Variants in TRIO observed in about 807,000 individuals in gnomAD.
The protein encoded by TRIO is triple functional domain protein.
Under a neutral mutation model 351.9 loss-of-function variants are expected in TRIO, and 58 were observed. The ratio of observed to expected loss-of-function variants is 0.16; its 90% CI spans 0.13 to 0.21. The LOEUF (loss-of-function observed/expected upper bound fraction) is 0.21, where lower values mean the gene tolerates loss of function less well. Among genes scored for constraint, TRIO ranks in the 10% least tolerant of loss-of-function variants. The pLI is 1.00. For synonymous variants in TRIO, 1,758 were observed against 1,595.7 expected, an observed-to-expected ratio of 1.10 and a Z score of -2.42; for missense variants, 3,201 against 4,027.8, an observed-to-expected ratio of 0.79 and a Z score of 5.56.
intron 1 of TRIO, among the ~76,000 whole-genome samples, chr5:14,234,477 C>T (rs1184328401): frequency 6.6e-6 from 1 of 152,164 alleles, no homozygotes; most frequent in Non-Finnish European, 1.5e-5. Context: ...CCGGAGGTAG[C>T]CCCGTGAGCA....
At chr5:14,163,974 ATG>A (rs1424491040) in intron 1 of TRIO, among the ~76,000 whole-genome samples, 3 of 152,148 alleles carry the variant, frequency 2.0e-5, no homozygotes, top group African/African-American at 7.2e-5. Context: ...TCTTGTGTGA[ATG>A]TGTGTTTTAA....
intron 8 of TRIO, 152 bp downstream of exon 8, chr5:14,304,744 T>C: frequency 1.1e-6 from 1 of 914,756 alleles, no homozygotes; most frequent in Non-Finnish European, 1.6e-6. Context: ...TTTGAACCCC[T>C]GTGTGTGTGG....
At chr5:14,463,720 A>G (rs555872530) in intron 36 of TRIO, among the ~76,000 whole-genome samples, 7 of 151,270 alleles carry the variant, frequency 4.6e-5, no homozygotes, top group South Asian at 4.2e-4. Context: ...AGTAAAACAG[A>G]TAACTTTATC....
At chr5:14,471,750 T>C (rs1754706592) in intron 38 of TRIO, among the ~76,000 whole-genome samples, 1 of 152,220 alleles carries the variant, frequency 6.6e-6, no homozygotes, top group Admixed American at 6.5e-5. Flanking sequence ...AGACTTTTTA[T>C]TGTACATGTG....
At chr5:14,433,438 T>C (rs1751339412) in intron 34 of TRIO, among the ~76,000 whole-genome samples, 2 of 152,320 alleles carry the variant, frequency 1.3e-5, no homozygotes, top group South Asian at 4.1e-4. Flanking sequence ...GGAGTATCTT[T>C]GTGCATGGAA....
intron 11 of TRIO, among the ~76,000 whole-genome samples, chr5:14,340,493 G>T (rs564259336): frequency 6.6e-6 from 1 of 152,078 alleles, no homozygotes; most frequent in Non-Finnish European, 1.5e-5. Context: ...CGTGACAGAA[G>T]TTAGTCTTCC....
chr5:14,348,010 G>C (rs891433627), intron 11 of TRIO, among the ~76,000 whole-genome samples: 1 of 152,182 alleles, frequency 6.6e-6, no homozygotes, highest in Non-Finnish European at 1.5e-5. Flanking sequence ...TGTGTTATTT[G>C]GTTGAGTCCA....
At chr5:14,281,806 A>C (rs356026) in intron 3 of TRIO, among the ~76,000 whole-genome samples, 67,551 of 152,042 alleles carry the variant, frequency 0.44, 17,164 homozygotes, top group East Asian at 0.57. Flanking sequence ...AAACTCGGCC[A>C]TAATATGGGC....
chr5:14,390,477 G>C (rs1456149323), intron 26 of TRIO, 177 bp downstream of exon 26: 1 of 624,800 alleles, frequency 1.6e-6, no homozygotes, highest in East Asian at 2.8e-5. Context: ...TGTGGAGTGA[G>C]TTTTTTTATT....
intron 34 of TRIO, among the ~76,000 whole-genome samples, chr5:14,422,034 G>T (rs2152391351): frequency 6.6e-6 from 1 of 152,294 alleles, no homozygotes; most frequent in Non-Finnish European, 1.5e-5. Flanking sequence ...GCCTGCCCAT[G>T]CCAGCCATCC....
intron 34 of TRIO, among the ~76,000 whole-genome samples, chr5:14,433,088 A>G (rs1227302901): frequency 6.6e-6 from 1 of 152,228 alleles, no homozygotes; most frequent in East Asian, 1.9e-4. Flanking sequence ...AATAATCCAC[A>G]ATGCTGGTGC....
intron 1 of TRIO, 144 bp downstream of exon 1, chr5:14,144,026 C>G: frequency 1.8e-6 from 1 of 557,086 alleles, no homozygotes; most frequent in Non-Finnish European, 2.3e-6. Context: ...CCTGGGACCA[C>G]TGCTTCCATG....
At chr5:14,482,926 C>T (rs951472078) in intron 46 of TRIO, among the ~76,000 whole-genome samples, 153 bp downstream of exon 46, 7 of 152,338 alleles carry the variant, frequency 4.6e-5, no homozygotes, top group East Asian at 1.9e-4. Flanking sequence ...CACCCCATTT[C>T]TCTTTTTACT....
intron 16 of TRIO, among the ~76,000 whole-genome samples, chr5:14,368,183 C>A (rs1488096192): frequency 1.3e-5 from 2 of 152,190 alleles, no homozygotes; most frequent in African/African-American, 4.8e-5. Context: ...GCATGGACCT[C>A]CAGAGAACAC....
chr5:14,192,022 G>C (rs1790487890), intron 1 of TRIO, among the ~76,000 whole-genome samples: 1 of 152,182 alleles, frequency 6.6e-6, no homozygotes, highest in South Asian at 2.1e-4. Flanking sequence ...AAAGAATCAT[G>C]TATCTAATAT....
At chr5:14,172,837 A>G (rs944162215) in intron 1 of TRIO, among the ~76,000 whole-genome samples, 1 of 152,208 alleles carries the variant, frequency 6.6e-6, no homozygotes, top group Non-Finnish European at 1.5e-5. Flanking sequence ...CATAGGTGCT[A>G]TCTTGAGGCA....
Position 14,498,265 on chromosome 5 carries a change from A to G in TRIO, c.8210+14A>G, listed in dbSNP as rs756171021. The G allele has an allele frequency of 8.1e-6, 13 of 1,609,102 alleles. No individual in the cohort carries two copies. In the Admixed American group the frequency reaches 2.2e-4, roughly 27 times the overall value. On this transcript the variant is annotated intron_variant, in intron 52 of 56. Coordinates refer to ENST00000344204, the MANE Select transcript of TRIO (RefSeq NM_007118.4). ...CATCTCCTACAGGTGAGGGAGGCCC[A>G]CTCCTGGTGGGTTTCGCTGGCTGGG... is the stretch of plus-strand genomic sequence containing the variant.
intron 19 of TRIO, among the ~76,000 whole-genome samples, chr5:14,376,624 A>G (rs1745583958): frequency 6.6e-6 from 1 of 152,184 alleles, no homozygotes; most frequent in Admixed American, 6.5e-5. Context: ...AGCATTTTTG[A>G]AGTTAATTTG....
chr5:14,393,997 G>T, intron 27 of TRIO, 41 bp from the exon 28 acceptor site: 2 of 1,363,086 alleles, frequency 1.5e-6, no homozygotes, highest in Non-Finnish European at 2.1e-6. Flanking sequence ...TAATAGTGTA[G>T]CCCTATGATA....
Sources: allele counts gnomAD v4.1 joint callset (sites outside exome capture counted in the v4.1 genomes callset), GRCh38; gene constraint gnomAD v4.1.1; transcripts MANE v1.5; gene names NCBI Gene and HGNC (gene_info 2026-07-23, HGNC 2026-07-21).